The following NCAPD2 variants were observed in gnomAD, a reference collection of about 807,000 sequenced individuals.
NCAPD2 encodes the protein non-SMC condensin I complex subunit D2.
In NCAPD2, 100 loss-of-function variants were observed where a neutral mutation model predicts 164.5. The ratio of observed to expected loss-of-function variants is 0.61; its 90% CI spans 0.52 to 0.72. The LOEUF is 0.72. Among genes scored for constraint, NCAPD2 ranks in the 30% least tolerant of loss-of-function variants. The pLI is 0.00. For synonymous variants in NCAPD2, 585 were observed against 642.6 expected (o/e 0.91, Z 1.36); for missense variants, 1,560 against 1,749.2 (o/e 0.89, Z 1.93).
In NCAPD2 at chr12:6,531,384, G is replaced by A; in HGVS notation, c.4178G>A (p.Arg1393Lys). Residue 1393 changes from arginine to lysine, a missense_variant, in exon 32 of 32, where the codon AGA becomes AAA. By Grantham distance (26) the Arg-to-Lys change is conservative (BLOSUM62 2). Transcript: ENST00000315579. This position sits in a 1 kb window ranked among gnomAD's most constrained non-coding sequence, Gnocchi z 4.1. ...CCCAAGAAAACAACTCCCATTCTCA[G>A]AGCATCGGCTCGCAGGCACAGATCC... Reference protein sequence around the residue: ...ETPKKTTPILRASARRHRS With the variant: ...ETPKKTTPILKASARRHRS The A allele has an allele frequency of 6.2e-7, 1 of 1,613,932 alleles. No individual in the cohort carries two copies. The highest frequency in any genetic ancestry group is 2.2e-5 in the East Asian group (1 of 44,892).
At chr12:6,526,240 C>G (rs975753140) in intron 19 of NCAPD2, 40 bp downstream of exon 19, 2 of 1,613,966 alleles carry the variant, frequency 1.2e-6, no homozygotes, top group Non-Finnish European at 1.7e-6. Flanking sequence ...AGTGGAGATT[C>G]TCGTGTCCAC....
chr12:6,520,267 T>A (rs1025126493), intron 13 of NCAPD2, among the ~76,000 whole-genome samples: 1 of 151,216 alleles, frequency 6.6e-6, no homozygotes, highest in African/African-American at 2.4e-5. Flanking sequence ...AGAGAGAGAG[T>A]GTCTCACTCT....
At position 6,526,050 on chromosome 12, in the gene NCAPD2, G is replaced by A; in HGVS notation, c.2349-18G>A. 6.2e-7 allele frequency: 1 copy of A among 1,612,726 alleles called. No homozygotes were observed. The highest frequency in any genetic ancestry group is 8.5e-7 in the Non-Finnish European group (1 of 1,179,780). Reference sequence around the variant, plus strand: ...CCAATCCATGACTGCCTTTAACTCTGTGGCTTCCTTCCCCTAGAGGAAAGC... The same window carrying A: ...CCAATCCATGACTGCCTTTAACTCTATGGCTTCCTTCCCCTAGAGGAAAGC... On this transcript the variant is annotated intron_variant, in intron 18 of 31. Coordinates refer to ENST00000315579, the MANE Select transcript of NCAPD2 (RefSeq NM_014865.4).
At chr12:6,509,248 A>G (rs1946124087) in intron 2 of NCAPD2, among the ~76,000 whole-genome samples, 1 of 152,074 alleles carries the variant, frequency 6.6e-6, no homozygotes, top group Non-Finnish European at 1.5e-5. Context: ...AGATATCATC[A>G]TCATTATTTT....
chr12:6,526,813 A>G (rs942736469), intron 21 of NCAPD2, 78 bp from the exon 22 acceptor site: 1 of 1,506,486 alleles, frequency 6.6e-7, no homozygotes, highest in Non-Finnish European at 9.0e-7. Flanking sequence ...CAAGGGGAAG[A>G]TCAGTAAAAA....
chr12:6,495,043 T>C (rs1483467999), intron 1 of NCAPD2, 33 bp from the exon 2 acceptor site: 2 of 1,607,480 alleles, frequency 1.2e-6, no homozygotes, highest in East Asian at 2.2e-5. Context: ...GTCTTGAATA[T>C]AGACCCTGAC....
intron 13 of NCAPD2, among the ~76,000 whole-genome samples, chr12:6,518,817 G>A (rs186583550): frequency 4.0e-5 from 6 of 151,878 alleles, no homozygotes; most frequent in South Asian, 2.1e-4. Flanking sequence ...CACCGCACTC[G>A]GCTGCCAACA....
intron 6 of NCAPD2, among the ~76,000 whole-genome samples, chr12:6,513,715 CTTTTT>C (rs71067124): frequency 1.1e-4 from 8 of 74,882 alleles, no homozygotes; most frequent in African/African-American, 2.4e-4. Context: ...GTGACTTTGT[CTTTTT>C]TTTTTTTTTT....
At position 6,504,455 on chromosome 12, in the gene NCAPD2, C is replaced by T. The variant is rs143934032; in HGVS notation, c.128-5262C>T. 2.1e-3 allele frequency among the ~76,000 whole-genome samples: 317 copies of T among 151,790 alleles called. 2 individuals are homozygous for T. Among genetic ancestry groups the T allele is most frequent in the African/African-American group, 7.0e-3 (289 of 41,388 alleles). ...TGGCCCAGGATGGAGTGTGGTGGCG[C>T]GATCTCGGCTCACTGCAACCTCCAC... On this transcript the variant is annotated intron_variant, in intron 2 of 31. Coordinates refer to ENST00000315579, the MANE Select transcript of NCAPD2 (RefSeq NM_014865.4).
Position 6,528,361 on chromosome 12 carries a change from C to T in NCAPD2, c.3299+33C>T. 6.2e-7 allele frequency: 1 copy of T among 1,612,204 alleles called. No individual in the cohort carries two copies. The highest frequency in any genetic ancestry group is 2.2e-5 in the East Asian group (1 of 44,876). ...ACCCCTCACAACGTGGTGGCAGTTC[C>T]CAGGAGCCCCGGAGTCTGTTGAGAG... On this transcript the variant is annotated intron_variant, in intron 25 of 31. Transcript: ENST00000315579. This position sits in a 1 kb window ranked among gnomAD's most constrained non-coding sequence, Gnocchi z 5.1.
intron 13 of NCAPD2, among the ~76,000 whole-genome samples, chr12:6,519,422 C>T (rs1394022789): frequency 6.6e-6 from 1 of 152,174 alleles, no homozygotes; most frequent in Non-Finnish European, 1.5e-5. Context: ...AATCACAGCT[C>T]ACTGCAGCCT....
In NCAPD2 at chr12:6,528,959, TA is replaced by T. The variant is rs1304243759; in HGVS notation, c.3494del (p.Asn1165IlefsTer26). On this transcript the variant is annotated frameshift_variant, in exon 27 of 32. Transcript: ENST00000315579. LOFTEE classifies it high-confidence loss of function. The surrounding 1 kb of genome is among the most constrained non-coding windows in gnomAD (Gnocchi z 5.1). ...ELSHKGNAIY[N>X]LLPDIISRLS... is the part of the protein sequence containing the mutation. ...CTGTCTTACAGGGCAACGCAATCTA[TA>T]ATCTCCTTCCAGATATCATCAGCCG... 6.2e-7 allele frequency: 1 copy of T among 1,613,980 alleles called. No individual in the cohort carries two copies. Among genetic ancestry groups the T allele is most frequent in the African/African-American group, 1.3e-5 (1 of 74,920 alleles).
At chr12:6,523,483 C>T (rs529077845) in intron 17 of NCAPD2, 137 bp downstream of exon 17, 13 of 660,516 alleles carry the variant, frequency 2.0e-5, no homozygotes, top group Admixed American at 8.7e-5. Flanking sequence ...CTGCAACCTC[C>T]GCCTCCCAGG....
In NCAPD2 at chr12:6,531,050, T is replaced by C. The variant is rs747621834; in HGVS notation, c.4094T>C (p.Phe1365Ser). Reference protein sequence around the residue: ...RASKKKPKVVFSSDESSEEDL... With the variant: ...RASKKKPKVVSSSDESSEEDL... ...TCCAAAAAGAAACCCAAAGTTGTCT[T>C]CTCAAGTGATGAGTCCAGTGAGGAA... is the stretch of plus-strand genomic sequence containing the variant. The change falls in exon 31 of 32, where the codon TTC (phenylalanine) becomes TCC (serine). Residue 1365 changes from phenylalanine (F) to serine (S), a missense_variant. Transcript: ENST00000315579. This position sits in a 1 kb window ranked among gnomAD's most constrained non-coding sequence, Gnocchi z 4.1. The C allele has an allele frequency of 3.1e-6, 5 of 1,613,666 alleles. No homozygotes were observed. The highest frequency in any genetic ancestry group is 4.2e-6 in the Non-Finnish European group (5 of 1,180,030).
chr12:6,530,720 T>G lies in NCAPD2; in HGVS notation c.3867T>G (p.Leu1289=). 1 of 1,614,186 alleles carries G rather than the reference T, an allele frequency of 6.2e-7. No homozygotes were observed. Among genetic ancestry groups the G allele is most frequent in the Non-Finnish European group, 8.5e-7 (1 of 1,180,032 alleles). Reference sequence around the variant, plus strand: ...TAATAGATGAATTTGAGCAGAAGCTTCGGGCCTGTCATACCAGAGGTTTGG... The same window carrying G: ...TAATAGATGAATTTGAGCAGAAGCTGCGGGCCTGTCATACCAGAGGTTTGG... ...KAIIDEFEQK[L]RACHTRGLDG... Residue 1289 remains leucine, a synonymous_variant, in exon 30 of 32, where the codon CTT becomes CTG. Transcript: ENST00000315579.
intron 15 of NCAPD2, 109 bp downstream of exon 15, chr12:6,522,146 C>T (rs920573656): frequency 8.0e-7 from 1 of 1,253,182 alleles, no homozygotes; most frequent in African/African-American, 1.5e-5. Flanking sequence ...GTTGCTCAGG[C>T]TGGTCTCCAA....
chr12:6,517,309 G>T, intron 10 of NCAPD2, 56 bp from the exon 11 acceptor site: 1 of 1,592,518 alleles, frequency 6.3e-7, no homozygotes. Context: ...AGATCATCTT[G>T]AACAAAATGG....
chr12:6,501,808 G>A (rs528045092), intron 2 of NCAPD2, among the ~76,000 whole-genome samples: 6 of 152,294 alleles, frequency 3.9e-5, no homozygotes, highest in Non-Finnish European at 7.4e-5. Context: ...GGCAGAAAGC[G>A]AATGAAGGAG....
chr12:6,505,636 C>T (rs921462322), intron 2 of NCAPD2, among the ~76,000 whole-genome samples: 1 of 152,022 alleles, frequency 6.6e-6, no homozygotes, highest in Non-Finnish European at 1.5e-5. Flanking sequence ...ATCAGGAGTT[C>T]AAGATCAGCC....
Sources: gnomAD v4.1 joint callset for allele counts (sites outside exome capture counted in the v4.1 genomes callset) on GRCh38, gnomAD v4.1.1 for gene constraint, Gnocchi (gnomAD v3.1) non-coding constraint, MANE v1.5 for transcripts, NCBI Gene and HGNC (gene_info 2026-07-23, HGNC 2026-07-21) for gene names.